RALGAPA1: variants seen among roughly 807,000 people sequenced by gnomAD.
RALGAPA1 encodes the protein ral GTPase-activating protein subunit alpha-1.
Under a neutral mutation model 269.6 loss-of-function variants are expected in RALGAPA1, and 52 were observed. The observed-to-expected ratio is 0.19, with a 90% CI of 0.15 to 0.24. The LOEUF is 0.24. Ranked by LOEUF, RALGAPA1 falls within the 10% of genes least tolerant of loss-of-function variation. RALGAPA1 has a pLI of 1.00. For missense variants in RALGAPA1, 1,917 were observed against 3,013.9 expected (o/e 0.64, Z 8.52); for synonymous variants, 817 against 1,008.3 (o/e 0.81, Z 3.60).
At chr14:35,727,620 A>G (rs1210830867) in intron 13 of RALGAPA1, among the ~76,000 whole-genome samples, 1 of 152,094 alleles carries the variant, frequency 6.6e-6, no homozygotes, top group Non-Finnish European at 1.5e-5. Flanking sequence ...TAGGAAATAT[A>G]AAAATAAGAA....
chr14:35,773,965 G>A (rs1232530814), intron 3 of RALGAPA1, among the ~76,000 whole-genome samples: 1 of 152,098 alleles, frequency 6.6e-6, no homozygotes, highest in South Asian at 2.1e-4. Flanking sequence ...TTGCCCAAGA[G>A]TGCAGTGGCA....
intron 27 of RALGAPA1, among the ~76,000 whole-genome samples, chr14:35,663,376 T>C (rs2063682193): frequency 6.6e-6 from 1 of 151,454 alleles, no homozygotes; most frequent in Admixed American, 6.6e-5. Context: ...GCAACATTCC[T>C]AACATAAACT....
chr14:35,580,464 C>T (rs1187696855), intron 37 of RALGAPA1, among the ~76,000 whole-genome samples: 1 of 152,176 alleles, frequency 6.6e-6, no homozygotes, highest in African/African-American at 2.4e-5. Flanking sequence ...ATTGCTTGGA[C>T]TGGGGTTATA....
intron 41 of RALGAPA1, among the ~76,000 whole-genome samples, chr14:35,546,127 C>T (rs1194906554): frequency 6.6e-6 from 1 of 152,090 alleles, no homozygotes; most frequent in African/African-American, 2.4e-5. Context: ...CCTTAAGTAT[C>T]AGTCTACTGC....
intron 4 of RALGAPA1, among the ~76,000 whole-genome samples, chr14:35,768,649 C>G (rs1008083734): frequency 5.9e-5 from 9 of 152,158 alleles, no homozygotes; most frequent in East Asian, 1.9e-4. Context: ...CATGATCAAT[C>G]ATGGCACTGC....
intron 30 of RALGAPA1, 40 bp downstream of exon 30, chr14:35,654,327 A>C (rs1195471675): frequency 6.6e-7 from 1 of 1,516,874 alleles, no homozygotes; most frequent in Admixed American, 2.3e-5. Flanking sequence ...ATCTAAAAAA[A>C]TTTAACAAGG....
chr14:35,782,607 T>A (rs2075516163), intron 1 of RALGAPA1, among the ~76,000 whole-genome samples: 1 of 151,846 alleles, frequency 6.6e-6, no homozygotes, highest in Non-Finnish European at 1.5e-5. Context: ...CTAATTTTTG[T>A]ATTTTTAGTA....
chr14:35,766,528 CA>C, intron 4 of RALGAPA1: 2 of 1,091,814 alleles, frequency 1.8e-6, no homozygotes, highest in Middle Eastern at 2.2e-4. Context: ...CTATTGTGCA[CA>C]TCAGAAGCAG....
intron 2 of RALGAPA1, among the ~76,000 whole-genome samples, chr14:35,775,381 A>G (rs1250252403): frequency 2.0e-5 from 3 of 152,206 alleles, no homozygotes; most frequent in Admixed American, 6.5e-5. Context: ...AAGAAGGCAC[A>G]ATGAGGGAAC....
At chr14:35,641,318 C>T (rs557538456) in intron 31 of RALGAPA1, among the ~76,000 whole-genome samples, 23 of 152,118 alleles carry the variant, frequency 1.5e-4, no homozygotes, top group African/African-American at 4.1e-4. Flanking sequence ...TGTTTGCTGA[C>T]GATATGATCT....
chr14:35,627,612 T>C lies in RALGAPA1; in HGVS notation c.6335A>G (p.Tyr2112Cys). Residue 2112 changes from tyrosine (Y) to cysteine (C), a missense_variant, in exon 34 of 42, where the codon TAT becomes TGT. By Grantham distance (194) the Tyr-to-Cys change is radical (BLOSUM62 -2). Around this residue, in one of 11 missense-constraint regions of RALGAPA1, gnomAD observed 346 missense variants for 566.1 expected, o/e 0.61. Coordinates refer to ENST00000680220, the MANE Select transcript of RALGAPA1 (RefSeq NM_001346249.2). ...ATACAGTATAGCAGAATCCCATGAA[T>C]ATTTTCCAGAGAGATCACGTACTAT... is the stretch of plus-strand genomic sequence containing the variant. ...RIIVRDLSGK[Y>C]SWDSAILYGP... The C allele has an allele frequency of 6.3e-7, 1 of 1,581,562 alleles. No homozygotes were observed. The highest frequency in any genetic ancestry group is 8.6e-7 in the Non-Finnish European group (1 of 1,165,170).
intron 16 of RALGAPA1, among the ~76,000 whole-genome samples, chr14:35,721,147 G>A (rs1317931634): frequency 6.6e-6 from 1 of 152,114 alleles, no homozygotes; most frequent in Non-Finnish European, 1.5e-5. Context: ...TCCCAACGTT[G>A]TTCCTTTGCT....
At chr14:35,643,801 A>G (rs1194046509) in intron 31 of RALGAPA1, among the ~76,000 whole-genome samples, 1 of 152,248 alleles carries the variant, frequency 6.6e-6, no homozygotes, top group Non-Finnish European at 1.5e-5. Flanking sequence ...CAAACATTGC[A>G]TGCTCTCACT....
chr14:35,773,495 G>C (rs549189834), intron 3 of RALGAPA1, among the ~76,000 whole-genome samples: 1 of 152,032 alleles, frequency 6.6e-6, no homozygotes, highest in East Asian at 1.9e-4. Flanking sequence ...ATTACATATA[G>C]AAAAATAGTT....
chr14:35,712,916 TAA>T (rs1476573088), intron 16 of RALGAPA1, among the ~76,000 whole-genome samples: 1 of 152,148 alleles, frequency 6.6e-6, no homozygotes, highest in African/African-American at 2.4e-5. Flanking sequence ...ACTTCTTTAA[TAA>T]ATGAAGTCTA....
intron 1 of RALGAPA1, among the ~76,000 whole-genome samples, chr14:35,798,496 T>C (rs986847218): frequency 2.0e-5 from 3 of 152,294 alleles, no homozygotes; most frequent in East Asian, 1.9e-4. Flanking sequence ...AGACTTGAAA[T>C]GTTCCCAGCA....
At chr14:35,550,781 C>G (rs1242495502) in intron 39 of RALGAPA1, among the ~76,000 whole-genome samples, 1 of 152,144 alleles carries the variant, frequency 6.6e-6, no homozygotes, top group African/African-American at 2.4e-5. Flanking sequence ...ACCTTCCATT[C>G]TGTACACTGG....
At chr14:35,789,657 AC>A (rs917945393) in intron 1 of RALGAPA1, among the ~76,000 whole-genome samples, 1 of 151,998 alleles carries the variant, frequency 6.6e-6, no homozygotes, top group African/African-American at 2.4e-5. Flanking sequence ...ACCATTCCTC[AC>A]CCCCACTGTC....
chr14:35,602,752 A>G (rs893280335), intron 36 of RALGAPA1, among the ~76,000 whole-genome samples: 42 of 152,206 alleles, frequency 2.8e-4, no homozygotes, highest in Non-Finnish European at 1.5e-4. Flanking sequence ...TAATTTTAAT[A>G]AAGTACAATT....
Sources: allele counts gnomAD v4.1 joint callset (sites outside exome capture counted in the v4.1 genomes callset), GRCh38; gene constraint gnomAD v4.1.1; regional missense constraint gnomAD v4.1.1; transcripts MANE v1.5; gene names NCBI Gene and HGNC (gene_info 2026-07-23, HGNC 2026-07-21).